The following RAF1 variants were observed in gnomAD, a reference collection of about 807,000 sequenced individuals.
RAF1 encodes the protein RAF proto-oncogene serine/threonine-protein kinase.
A neutral mutation model predicts 81.1 loss-of-function variants in RAF1; 27 were observed. The ratio of observed to expected loss-of-function variants is 0.33; its 90% CI spans 0.25 to 0.46. RAF1 has a LOEUF of 0.46. Ranked by LOEUF, RAF1 falls within the 20% of genes least tolerant of loss-of-function variation. The probability of loss-of-function intolerance (pLI) is 1.00; values close to 1 mark genes in which losing one functional copy is unlikely to be tolerated. For synonymous variants in RAF1, 298 were observed against 294.0 expected, an observed-to-expected ratio of 1.01 and a Z score of -0.14; for missense variants, 598 against 826.0, an observed-to-expected ratio of 0.72 and a Z score of 3.38.
intron 1 of RAF1, among the ~76,000 whole-genome samples, chr3:12,626,052 G>C (rs2059692189): frequency 6.6e-6 from 1 of 151,594 alleles, no homozygotes; most frequent in Non-Finnish European, 1.5e-5. Context: ...GATCACCTGA[G>C]GTCAGGAGTT....
Position 12,583,698 on chromosome 3 carries a change from C to A in RAF1, c.*816G>T. On this transcript the variant is annotated 3_prime_UTR_variant, in exon 18 of 18. Transcript: ENST00000442415. ...GTGCAATAAAAACAAAATTAAAACCCAAATCATCAAGAAAACCTGTATTCC... is the reference window on the plus strand; with the variant it reads ...GTGCAATAAAAACAAAATTAAAACCAAAATCATCAAGAAAACCTGTATTCC... The A allele has an allele frequency of 4.3e-6, 1 of 233,458 alleles. No homozygotes were observed. The highest frequency in any genetic ancestry group is 6.0e-5 in the East Asian group (1 of 16,586). 14.5% of individuals were successfully genotyped at this position (233,458 alleles called of 1,614,324 possible). A position where few individuals can be genotyped will look rare whatever the true frequency, so the allele number is the denominator to read the frequency against.
chr3:12,590,863 G>T lies in RAF1; in HGVS notation c.1365C>A (p.Val455=), dbSNP rs746626400. The T allele has an allele frequency of 1.2e-6, 2 of 1,613,912 alleles. No homozygotes were observed. The highest frequency in any genetic ancestry group is 2.2e-5 in the South Asian group (2 of 91,072). Residue 455 remains valine, a synonymous_variant, in exon 13 of 18, where the codon GTC becomes GTA. Transcript: ENST00000442415. ...GGAACATCTGAAACTTGGTCTCCTG[G>T]ACATGCAGGTGTTTGTAGAGGCTGC...
At chr3:12,626,065 A>G (rs951268583) in intron 1 of RAF1, among the ~76,000 whole-genome samples, 3 of 151,792 alleles carry the variant, frequency 2.0e-5, no homozygotes, top group African/African-American at 7.3e-5. Flanking sequence ...CAGGAGTTTG[A>G]GACCAGCCTG....
intron 1 of RAF1, among the ~76,000 whole-genome samples, chr3:12,645,670 G>A (rs542397431): frequency 2.0e-5 from 3 of 152,292 alleles, no homozygotes; most frequent in African/African-American, 7.2e-5. Flanking sequence ...AACCCAGGCT[G>A]GAAGTTTAAG....
intron 1 of RAF1, among the ~76,000 whole-genome samples, chr3:12,662,328 C>G (rs1575697805): frequency 8.7e-6 from 1 of 114,638 alleles, no homozygotes; most frequent in Admixed American, 1.1e-4. Flanking sequence ...AGAGTGAGAT[C>G]CTGTTCCTTT....
At position 12,591,665 on chromosome 3, in the gene RAF1, C is replaced by A. The variant is rs749243821; in HGVS notation, c.1253+43G>T. Reference sequence around the variant, plus strand: ...AACTCTACAGTCCTTGTACTCCCCACTCCAGCACTCCAGAGGGACTGGACC... The same window carrying A: ...AACTCTACAGTCCTTGTACTCCCCAATCCAGCACTCCAGAGGGACTGGACC... On this transcript the variant is annotated intron_variant, in intron 12 of 17. Coordinates refer to ENST00000442415, the MANE Select transcript of RAF1 (RefSeq NM_001354689.3). The A allele has an allele frequency of 3.2e-6, 5 of 1,543,394 alleles. No individual in the cohort carries two copies. The South Asian group carries it at 4.5e-5, about 14-fold the overall frequency.
chr3:12,618,476 G>A (rs759850570), intron 2 of RAF1, 39 bp downstream of exon 2: 2 of 1,602,536 alleles, frequency 1.2e-6, no homozygotes, highest in Non-Finnish European at 1.7e-6. Flanking sequence ...TCCACAGGCA[G>A]ATAAATAGCT....
intron 3 of RAF1, among the ~76,000 whole-genome samples, chr3:12,610,823 A>G (rs1444993184): frequency 6.6e-6 from 1 of 152,200 alleles, no homozygotes; most frequent in Admixed American, 6.5e-5. Flanking sequence ...GGAATAATGG[A>G]TAATGGATAA....
intron 1 of RAF1, among the ~76,000 whole-genome samples, chr3:12,621,602 T>A (rs1357417505): frequency 6.6e-6 from 1 of 152,242 alleles, no homozygotes; most frequent in African/African-American, 2.4e-5. Context: ...TCTTAAAGAA[T>A]GACCTAGTAT....
rs376360142 is a variant in RAF1 at position 12,600,140 on chromosome 3, G to A, written c.1050+12C>T. The stretch of plus-strand genomic sequence containing the variant: ...ACCCTAATTGGCAGGAGGTACTGTT[G>A]TCTATACTCACAATTTTGTTTTTCT... On this transcript the variant is annotated intron_variant, in intron 10 of 17. Transcript: ENST00000442415. 9.3e-6 allele frequency: 15 copies of A among 1,613,996 alleles called. No homozygotes were observed. The highest frequency in any genetic ancestry group is 1.7e-5 in the Admixed American group (1 of 60,024).
intron 1 of RAF1, among the ~76,000 whole-genome samples, chr3:12,639,917 C>A (rs2060133907): frequency 6.6e-6 from 1 of 152,160 alleles, no homozygotes; most frequent in Non-Finnish European, 1.5e-5. Context: ...CCAAGACAAT[C>A]CTAAGCAAAA....
intron 1 of RAF1, among the ~76,000 whole-genome samples, chr3:12,622,633 A>T (rs962027990): frequency 8.5e-5 from 13 of 152,176 alleles, no homozygotes; most frequent in Admixed American, 5.9e-4. Flanking sequence ...TCTGCATGGT[A>T]CTTATGTTAG....
At chr3:12,612,111 T>C in intron 2 of RAF1, 49 bp from the exon 3 acceptor site, 1 of 1,451,482 alleles carries the variant, frequency 6.9e-7, no homozygotes, top group Non-Finnish European at 9.7e-7. Flanking sequence ...GCAGCACCCC[T>C]TGGAAAGGTG....
Position 12,618,644 on chromosome 3 carries a change from G to T in RAF1, c.78C>A (p.Ser26Arg). 1 of 1,614,186 alleles carries T rather than the reference G, an allele frequency of 6.2e-7. No homozygotes were observed. Among genetic ancestry groups the T allele is most frequent in the Non-Finnish European group, 8.5e-7 (1 of 1,180,038 alleles). The change falls in exon 2 of 18, where the codon AGC becomes AGA. Residue 26 changes from serine to arginine, a missense_variant. Physicochemically the swap from Ser to Arg is moderately radical, Grantham distance 110. Transcript: ENST00000442415. ...GCTGAACTATTGTAGGAGAGATGCA[G>T]CTGGAGCCATCAAACACGGCATCTT... is the stretch of plus-strand genomic sequence containing the variant.
chr3:12,606,421 C>G (rs946386702), intron 5 of RAF1, 122 bp from the exon 6 acceptor site: 5 of 725,638 alleles, frequency 6.9e-6, no homozygotes, highest in Admixed American at 2.0e-5. Flanking sequence ...TCACATTTTC[C>G]TCAACTGTTT....
chr3:12,636,487 T>C (rs1166096771), intron 1 of RAF1, among the ~76,000 whole-genome samples: 4 of 142,776 alleles, frequency 2.8e-5, no homozygotes, highest in African/African-American at 1.1e-4. Flanking sequence ...GCAGTAAGCA[T>C]GGTTGCTCAA....
chr3:12,642,515 A>G (rs999559818), intron 1 of RAF1, among the ~76,000 whole-genome samples: 7 of 149,634 alleles, frequency 4.7e-5, no homozygotes, highest in African/African-American at 1.2e-4. Context: ...CCATCTCAGG[A>G]AAAAAAAAAT....
At chr3:12,593,204 C>T (rs1388793325) in intron 11 of RAF1, among the ~76,000 whole-genome samples, 1 of 151,862 alleles carries the variant, frequency 6.6e-6, no homozygotes, top group African/African-American at 2.4e-5. Context: ...CTCAGCCTCC[C>T]GAGTAGCTGG....
At chr3:12,639,800 A>G (rs1265379567) in intron 1 of RAF1, among the ~76,000 whole-genome samples, 1 of 152,230 alleles carries the variant, frequency 6.6e-6, no homozygotes, top group African/African-American at 2.4e-5. Context: ...TGCCCAAGGT[A>G]ATTTATAGAT....
Sources: gnomAD v4.1 joint callset for allele counts (sites outside exome capture counted in the v4.1 genomes callset) on GRCh38, gnomAD v4.1.1 for gene constraint, MANE v1.5 for transcripts, NCBI Gene and HGNC (gene_info 2026-07-23, HGNC 2026-07-21) for gene names.